The following MKRN3 variants were observed in gnomAD, a reference collection of about 807,000 sequenced individuals.
The protein encoded by MKRN3 is makorin ring finger protein 3, also known as E3 ubiquitin-protein ligase makorin-3.
For synonymous variants in MKRN3, 301 were observed against 250.2 expected, an observed-to-expected ratio of 1.20 and a Z score of -1.91; for missense variants, 749 against 667.0, an observed-to-expected ratio of 1.12 and a Z score of -1.35.
rs370156382 is a variant in MKRN3 at position 23,566,191 on chromosome 15, G to T, written c.409G>T (p.Ala137Ser). 1.9e-6 allele frequency: 3 copies of T among 1,613,740 alleles called. No homozygotes were observed. Reference sequence around the variant, plus strand: ...TGAGGGTGGCGTTTCGCCGCCTGGGGCCTCTGCAGGTGGAGGCCCTAGCAC... The same window carrying T: ...TGAGGGTGGCGTTTCGCCGCCTGGGTCCTCTGCAGGTGGAGGCCCTAGCAC... ...ATEGGVSPPG[A>S]SAGGGPSTAA... Residue 137 changes from alanine (A) to serine (S), a missense_variant, in exon 1 of 1, where the codon GCC (alanine) becomes TCC (serine). Ala to Ser is a moderately conservative substitution (Grantham distance 99, BLOSUM62 1). Coordinates refer to ENST00000314520, the MANE Select transcript of MKRN3 (RefSeq NM_005664.4).
rs1473245806 is a variant in MKRN3 at position 23,565,781 on chromosome 15, C to T, written c.-2C>T. On this transcript the variant is annotated 5_prime_UTR_variant, in exon 1 of 1. Transcript: ENST00000314520. ...GCACCATTTCGGGGTGCCAAAGCAGCCATGGAAGAGCCTGCAGCTCCCTCA... is the reference window on the plus strand; with the variant it reads ...GCACCATTTCGGGGTGCCAAAGCAGTCATGGAAGAGCCTGCAGCTCCCTCA... 1 of 1,588,264 alleles carries T rather than the reference C, an allele frequency of 6.3e-7. No homozygotes were observed. Among genetic ancestry groups the T allele is most frequent in the South Asian group, 1.1e-5 (1 of 88,882 alleles).
At position 23,567,106 on chromosome 15, in the gene MKRN3, T is replaced by G. The variant is rs1889114648; in HGVS notation, c.1324T>G (p.Trp442Gly). The G allele has an allele frequency of 2.5e-6, 4 of 1,614,218 alleles. No individual in the cohort carries two copies. Among genetic ancestry groups the G allele is most frequent in the Non-Finnish European group, 3.4e-6 (4 of 1,180,042 alleles). Residue 442 changes from tryptophan (W) to glycine (G), a missense_variant, in exon 1 of 1, where the codon TGG becomes GGG. Coordinates refer to ENST00000314520, the MANE Select transcript of MKRN3 (RefSeq NM_005664.4). Reference protein sequence around the residue: ...GPGGGSFSAYWHQLVEPVRMG... With the variant: ...GPGGGSFSAYGHQLVEPVRMG... ...AGGTGGTGGGTCATTCAGCGCATAC[T>G]GGCATCAACTTGTGGAGCCTGTGCG...
chr15:23,567,010 T>C lies in MKRN3; in HGVS notation c.1228T>C (p.Cys410Arg). The change falls in exon 1 of 1, where the codon TGC becomes CGC. Residue 410 changes from cysteine (C) to arginine (R), a missense_variant. Physicochemically the swap from Cys to Arg is radical, Grantham distance 180 (BLOSUM62 -3). Coordinates refer to ENST00000314520, the MANE Select transcript of MKRN3 (RefSeq NM_005664.4). ...CRYFAEGRGNCPFGDTCFYKH... is the reference protein window; with the variant it reads ...CRYFAEGRGNRPFGDTCFYKH... Reference sequence around the variant, plus strand: ...GTATTTTGCGGAAGGCAGGGGTAACTGCCCATTTGGAGACACATGCTTTTA... The same window carrying C: ...GTATTTTGCGGAAGGCAGGGGTAACCGCCCATTTGGAGACACATGCTTTTA... The C allele has an allele frequency of 6.2e-7, 1 of 1,614,236 alleles. No individual in the cohort carries two copies. Among genetic ancestry groups the C allele is most frequent in the Non-Finnish European group, 8.5e-7 (1 of 1,180,038 alleles).
chr15:23,567,211 C>T lies in MKRN3; in HGVS notation c.1429C>T (p.Arg477Trp), dbSNP rs767507343. 15 of 1,614,168 alleles carry T rather than the reference C, an allele frequency of 9.3e-6. No homozygotes were observed. The highest frequency in any genetic ancestry group is 2.2e-5 in the South Asian group (2 of 91,076). Residue 477 changes from arginine (R) to tryptophan (W), a missense_variant, in exon 1 of 1, where the codon CGG becomes TGG. Coordinates refer to ENST00000314520, the MANE Select transcript of MKRN3 (RefSeq NM_005664.4). Reference sequence around the variant, plus strand: ...TCGGCTGGCCAGTCTGTTGTTTAAGCGGTTTCTTTCACTGAGAGATGAGTT... The same window carrying T: ...TCGGCTGGCCAGTCTGTTGTTTAAGTGGTTTCTTTCACTGAGAGATGAGTT... ...VLRLASLLFK[R>W]FLSLRDELPF...
chr15:23,566,224 C>T lies in MKRN3; in HGVS notation c.442C>T (p.His148Tyr). The T allele has an allele frequency of 6.2e-7, 1 of 1,613,622 alleles. No homozygotes were observed. The highest frequency in any genetic ancestry group is 8.5e-7 in the Non-Finnish European group (1 of 1,180,034). ...SAGGGPSTAAHIEPPTQEVAE... is the reference protein window; with the variant it reads ...SAGGGPSTAAYIEPPTQEVAE... Reference sequence around the variant, plus strand: ...AGGTGGAGGCCCTAGCACGGCTGCGCACATCGAGCCCCCGACTCAGGAAGT... The same window carrying T: ...AGGTGGAGGCCCTAGCACGGCTGCGTACATCGAGCCCCCGACTCAGGAAGT... Residue 148 changes from histidine to tyrosine, a missense_variant, in exon 1 of 1, where the codon CAC (histidine) becomes TAC (tyrosine). Physicochemically the swap from His to Tyr is moderately conservative, Grantham distance 83. Transcript: ENST00000314520.
Position 23,565,930 on chromosome 15 carries a change from C to A in MKRN3, c.148C>A (p.His50Asn), listed in dbSNP as rs568105275. The change falls in exon 1 of 1, where the codon CAT becomes AAT. Residue 50 changes from histidine (H) to asparagine (N), a missense_variant. By Grantham distance (68) the His-to-Asn change is moderately conservative (BLOSUM62 1). Transcript: ENST00000314520. ...ESAAPDSALP[H>N]AARGWAPFPV... is the part of the protein sequence containing the mutation. ...TGCTGCTCCAGATTCAGCCCTGCCA[C>A]ATGCGGCAAGGGGCTGGGCCCCCTT... 1.2e-6 allele frequency: 2 copies of A among 1,613,978 alleles called. No homozygotes were observed. Among genetic ancestry groups the A allele is most frequent in the South Asian group, 2.2e-5 (2 of 91,082 alleles).
chr15:23,567,945 GA>G lies in MKRN3; in HGVS notation c.*646del, dbSNP rs1030807940. On this transcript the variant is annotated 3_prime_UTR_variant, in exon 1 of 1. Coordinates refer to ENST00000314520, the MANE Select transcript of MKRN3 (RefSeq NM_005664.4). ...ATATATGTATAAGAGTTATGTATTT[GA>G]AAAAAATATATAAAAGAATATACAT... 274 of 711,762 alleles carry G rather than the reference GA, an allele frequency of 3.8e-4. 1 individual carries two copies. Among genetic ancestry groups the G allele is most frequent in the South Asian group, 1.9e-3 (29 of 15,332 alleles). The allele number at this position is 711,762 out of a possible 1,614,324, so 44.1% of individuals were successfully genotyped here. A position where few individuals can be genotyped will look rare whatever the true frequency, so the allele number is the denominator to read the frequency against.
chr15:23,567,639 G>T lies in MKRN3; in HGVS notation c.*333G>T, dbSNP rs978327562. 1.9e-5 allele frequency: 21 copies of T among 1,102,452 alleles called. No homozygotes were observed. Among genetic ancestry groups the T allele is most frequent in the Non-Finnish European group, 2.3e-5 (21 of 895,190 alleles). 68.3% of individuals were successfully genotyped at this position (1,102,452 alleles called of 1,614,324 possible). On this transcript the variant is annotated 3_prime_UTR_variant, in exon 1 of 1. Transcript: ENST00000314520. ...AAGACCCTCAAGAGTAAATGTGGCA[G>T]AGTGAAAGGAGAAGTTTTAATTGAA...
Position 23,567,085 on chromosome 15 carries a change from G to A in MKRN3, c.1303G>A (p.Gly435Ser), listed in dbSNP as rs771249231. 6.2e-6 allele frequency: 10 copies of A among 1,614,212 alleles called. 1 individual carries two copies. In the South Asian group the frequency reaches 6.6e-5, roughly 11 times the overall value. The change falls in exon 1 of 1, where the codon GGT (glycine) becomes AGT (serine). Residue 435 changes from glycine to serine, a missense_variant. By Grantham distance (56) the Gly-to-Ser change is moderately conservative. Transcript: ENST00000314520. ...GGGAGATGAGCCTCCTGGGCCAGGT[G>A]GTGGGTCATTCAGCGCATACTGGCA... ...GWGDEPPGPG[G>S]GSFSAYWHQL...
In MKRN3 at chr15:23,567,707, G is replaced by A; in HGVS notation, c.*401G>A. 5 of 1,020,070 alleles carry A rather than the reference G, an allele frequency of 4.9e-6. No homozygotes were observed. Among genetic ancestry groups the A allele is most frequent in the Non-Finnish European group, 5.9e-6 (5 of 842,412 alleles). The allele number at this position is 1,020,070 out of a possible 1,614,324, so 63.2% of individuals were successfully genotyped here. The stretch of plus-strand genomic sequence containing the variant: ...TAATAGCCTTAACAAATGGACCCTT[G>A]CAGGGCTTTGCAGCTGCTCATCTGT... On this transcript the variant is annotated 3_prime_UTR_variant, in exon 1 of 1. Transcript: ENST00000314520.
Position 23,567,539 on chromosome 15 carries a change from T to C in MKRN3, c.*233T>C. 2 of 1,373,130 alleles carry C rather than the reference T, an allele frequency of 1.5e-6. No individual in the cohort carries two copies. Among genetic ancestry groups the C allele is most frequent in the East Asian group, 2.9e-5 (1 of 34,476 alleles). The allele number at this position is 1,373,130 out of a possible 1,614,324, so 85.1% of individuals were successfully genotyped here. A position where few individuals can be genotyped will look rare whatever the true frequency, so the allele number is the denominator to read the frequency against. ...AATATTAATGTCAGCTTATGGCTTTTTTTTGTCATCTCTGTTGTCAACAGG... is the reference window on the plus strand; with the variant it reads ...AATATTAATGTCAGCTTATGGCTTTCTTTTGTCATCTCTGTTGTCAACAGG... On this transcript the variant is annotated 3_prime_UTR_variant, in exon 1 of 1. Coordinates refer to ENST00000314520, the MANE Select transcript of MKRN3 (RefSeq NM_005664.4).
At position 23,566,421 on chromosome 15, in the gene MKRN3, G is replaced by A. The variant is rs1046642785; in HGVS notation, c.639G>A (p.Arg213=). The change falls in exon 1 of 1, where the codon CGG becomes CGA. Residue 213 remains arginine (R), a synonymous_variant. Coordinates refer to ENST00000314520, the MANE Select transcript of MKRN3 (RefSeq NM_005664.4). Reference sequence around the variant, plus strand: ...AGTTTGTTCCAGGGCAGCCCTACCGGGGCCGCTGGGTTGCATCTGCCCCCG... The same window carrying A: ...AGTTTGTTCCAGGGCAGCCCTACCGAGGCCGCTGGGTTGCATCTGCCCCCG... The part of the protein sequence containing the change: ...AIEFVPGQPY[R]GRWVASAPEA... 3.7e-6 allele frequency: 6 copies of A among 1,614,068 alleles called. No homozygotes were observed. The highest frequency in any genetic ancestry group is 5.1e-6 in the Non-Finnish European group (6 of 1,180,044).
chr15:23,566,257 G>C lies in MKRN3; in HGVS notation c.475G>C (p.Ala159Pro), dbSNP rs777074455. The change falls in exon 1 of 1, where the codon GCC (alanine) becomes CCC (proline). Residue 159 changes from alanine to proline, a missense_variant. By Grantham distance (27) the Ala-to-Pro change is conservative. Coordinates refer to ENST00000314520, the MANE Select transcript of MKRN3 (RefSeq NM_005664.4). ...IEPPTQEVAE[A>P]PPAASSLSLP... ...GCCCCCGACTCAGGAAGTGGCGGAA[G>C]CCCCCCCGGCTGCATCCTCCCTTTC... is the stretch of plus-strand genomic sequence containing the variant. 25 of 1,613,634 alleles carry C rather than the reference G, an allele frequency of 1.5e-5. No homozygotes were observed. Among genetic ancestry groups the C allele is most frequent in the Admixed American group, 3.3e-5 (2 of 60,004 alleles).
rs780308272 is a variant in MKRN3, at chr15:23,567,323, G to A, written c.*17G>A. The A allele has an allele frequency of 2.7e-5, 43 of 1,611,700 alleles. No homozygotes were observed. Among genetic ancestry groups the A allele is most frequent in the Non-Finnish European group, 3.6e-5 (43 of 1,178,656 alleles). Reference sequence around the variant, plus strand: ...ATTCTGTAGCATCGTGCTGTGGCATGTGGTCTAGTCTGCTGAGGTTCTGTC... The same window carrying A: ...ATTCTGTAGCATCGTGCTGTGGCATATGGTCTAGTCTGCTGAGGTTCTGTC... On this transcript the variant is annotated 3_prime_UTR_variant, in exon 1 of 1. Transcript: ENST00000314520.
rs1889141367 is a variant in MKRN3, at chr15:23,567,951, AAT to A, written c.*651_*652del. 1.4e-6 allele frequency: 1 copy of A among 714,020 alleles called. No individual in the cohort carries two copies. Among genetic ancestry groups the A allele is most frequent in the African/African-American group, 1.9e-5 (1 of 51,582 alleles). The allele number at this position is 714,020 out of a possible 1,614,324, so 44.2% of individuals were successfully genotyped here. The stretch of plus-strand genomic sequence containing the variant: ...GTATAAGAGTTATGTATTTGAAAAA[AAT>A]ATATAAAAGAATATACATCACAATA... On this transcript the variant is annotated 3_prime_UTR_variant, in exon 1 of 1. Coordinates refer to ENST00000314520, the MANE Select transcript of MKRN3 (RefSeq NM_005664.4).
chr15:23,566,496 C>T lies in MKRN3; in HGVS notation c.714C>T (p.Gly238=). ...CTGAGAGGAAGCAGATGGCTGTGGG[C>T]AGTGGGTTGCGGTTTTGCTATTATG... ...SETERKQMAV[G]SGLRFCYYAS... is the part of the protein sequence containing the mutation. The change falls in exon 1 of 1, where the codon GGC becomes GGT. Residue 238 remains glycine, a synonymous_variant. Transcript: ENST00000314520. The T allele has an allele frequency of 1.9e-6, 3 of 1,614,132 alleles. No individual in the cohort carries two copies. The highest frequency in any genetic ancestry group is 2.5e-6 in the Non-Finnish European group (3 of 1,180,028).
Position 23,565,756 on chromosome 15 carries a change from G to C in MKRN3, c.-27G>C, listed in dbSNP as rs755685392. ...AAGAAAAAATACCGGAGAGGTTCTG[G>C]CACCATTTCGGGGTGCCAAAGCAGC... On this transcript the variant is annotated 5_prime_UTR_variant, in exon 1 of 1. Transcript: ENST00000314520. 2 of 1,546,752 alleles carry C rather than the reference G, an allele frequency of 1.3e-6. No individual in the cohort carries two copies. Among genetic ancestry groups the C allele is most frequent in the Non-Finnish European group, 1.8e-6 (2 of 1,142,834 alleles).
In MKRN3 at chr15:23,567,904, T is replaced by TTA. The variant is rs1435198347; in HGVS notation, c.*607_*608dup. On this transcript the variant is annotated 3_prime_UTR_variant, in exon 1 of 1. Coordinates refer to ENST00000314520, the MANE Select transcript of MKRN3 (RefSeq NM_005664.4). ...ATATTTGGAAATATATATTTAAGAA[T>TTA]TATATATATAAAAATATATATGTAT... The TTA allele has an allele frequency of 2.5e-6, 2 of 794,354 alleles. No individual in the cohort carries two copies. Among genetic ancestry groups the TTA allele is most frequent in the East Asian group, 1.3e-4 (1 of 7,840 alleles). 49.2% of individuals were successfully genotyped at this position (794,354 alleles called of 1,614,324 possible).
Position 23,566,104 on chromosome 15 carries a change from C to A in MKRN3, c.322C>A (p.Gln108Lys). The change falls in exon 1 of 1, where the codon CAG (glutamine) becomes AAG (lysine). Residue 108 changes from glutamine (Q) to lysine (K), a missense_variant. Transcript: ENST00000314520. Reference sequence around the variant, plus strand: ...CATCTGCAGGTATTATATACATGGGCAGTGCAAGGAGGGGGAGAACTGTCG... The same window carrying A: ...CATCTGCAGGTATTATATACATGGGAAGTGCAAGGAGGGGGAGAACTGTCG... The part of the protein sequence containing the change: ...QIICRYYIHG[Q>K]CKEGENCRYS... The A allele has an allele frequency of 6.2e-6, 10 of 1,614,164 alleles. No individual in the cohort carries two copies. Among genetic ancestry groups the A allele is most frequent in the Non-Finnish European group, 7.6e-6 (9 of 1,180,040 alleles).
Sources: gnomAD v4.1 joint callset for allele counts on GRCh38, gnomAD v4.1.1 for gene constraint, MANE v1.5 for transcripts, NCBI Gene and HGNC (gene_info 2026-07-23, HGNC 2026-07-21) for gene names.